SORBS2: variants seen among roughly 807,000 people sequenced by gnomAD.
SORBS2 encodes sorbin and SH3 domain-containing protein 2.
SORBS2 carries 46 observed loss-of-function variants against 97.7 expected under a neutral mutation model. The observed-to-expected ratio is 0.47, with a 90% CI of 0.37 to 0.60. The LOEUF is 0.60. Ranked by LOEUF, SORBS2 falls within the 20% of genes least tolerant of loss-of-function variation. SORBS2 has a pLI of 0.00. For missense variants in SORBS2, 1,316 were observed against 1,282.3 expected (o/e 1.03, Z -0.40); for synonymous variants, 476 against 473.4 (o/e 1.01, Z -0.07).
chr4:185,868,267 C>T (rs2099228366), intron 1 of SORBS2, among the ~76,000 whole-genome samples: 1 of 149,916 alleles, frequency 6.7e-6, no homozygotes, highest in Admixed American at 6.7e-5. Context: ...AGCGATTCTC[C>T]TGCCTCAGCT....
chr4:185,860,620 T>C (rs1003597305), intron 1 of SORBS2, among the ~76,000 whole-genome samples: 20 of 152,184 alleles, frequency 1.3e-4, no homozygotes, highest in Admixed American at 9.8e-4. Context: ...TGAGGACATG[T>C]ACCCAAGGTG....
rs2153458127 is a variant in SORBS2, at chr4:185,649,457, A to G, written c.281+10T>C. 6.4e-7 allele frequency: 1 copy of G among 1,558,346 alleles called. No individual in the cohort carries two copies. The highest frequency in any genetic ancestry group is 2.4e-5 in the East Asian group (1 of 41,832). On this transcript the variant is annotated intron_variant, in intron 3 of 14. Transcript: ENST00000418609. Reference sequence around the variant, plus strand: ...CGAAACATAGGCCACCCTGGGGGGAAATGCCTTACTTTTCTGTTGAAGACC... The same window carrying G: ...CGAAACATAGGCCACCCTGGGGGGAGATGCCTTACTTTTCTGTTGAAGACC...
chr4:185,813,802 C>T (rs1017257756), intron 1 of SORBS2, among the ~76,000 whole-genome samples: 20 of 152,302 alleles, frequency 1.3e-4, no homozygotes, highest in Admixed American at 2.6e-4. Flanking sequence ...ACCTCTTCTG[C>T]GACTCCCCTG....
intron 1 of SORBS2, among the ~76,000 whole-genome samples, chr4:185,837,009 C>T (rs562477747): frequency 2.0e-5 from 3 of 152,240 alleles, no homozygotes; most frequent in African/African-American, 7.2e-5. Flanking sequence ...TACTTACTGC[C>T]CTTCACTTAT....
At chr4:185,624,269 C>T in exon 7 of SORBS2, 1 of 1,614,226 alleles carries the variant, frequency 6.2e-7, no homozygotes, top group Non-Finnish European at 8.5e-7. Flanking sequence ...ATCGTCACAG[C>T]TCCGGGATTT....
chr4:185,900,450 A>C (rs1001141240), intron 1 of SORBS2, among the ~76,000 whole-genome samples: 4 of 152,216 alleles, frequency 2.6e-5, no homozygotes, highest in Admixed American at 1.3e-4. Context: ...TCTGTAAGTC[A>C]TACCTAAAAA....
intron 2 of SORBS2, among the ~76,000 whole-genome samples, chr4:185,757,937 G>T (rs765933291): frequency 6.6e-6 from 1 of 152,166 alleles, no homozygotes; most frequent in Non-Finnish European, 1.5e-5. Flanking sequence ...ATACAATCTG[G>T]TGAGCCACTG....
At chr4:185,717,703 T>A (rs1401819396) in intron 2 of SORBS2, among the ~76,000 whole-genome samples, 1 of 152,172 alleles carries the variant, frequency 6.6e-6, no homozygotes, top group Non-Finnish European at 1.5e-5. Context: ...GCCCAAGACA[T>A]TTCACTCTGC....
chr4:185,840,738 A>G (rs559504889), intron 1 of SORBS2, among the ~76,000 whole-genome samples: 2 of 152,352 alleles, frequency 1.3e-5, no homozygotes, highest in African/African-American at 4.8e-5. Context: ...GTATTTATTC[A>G]TTCATTCAAC....
In SORBS2 at chr4:185,709,553, T is replaced by C. The variant is rs537510464; in HGVS notation, c.-197-30731A>G. Among the ~76,000 whole-genome samples, 9 of 152,262 alleles carry C rather than the reference T, an allele frequency of 5.9e-5. No homozygotes were observed. The South Asian group carries it at 1.9e-3, about 32-fold the overall frequency. On this transcript the variant is annotated intron_variant, in intron 2 of 20. Transcript: ENST00000284776. Reference sequence around the variant, plus strand: ...AAAGACATATAAATTATAGCATACATGTCTACCCCTACATTTAAAACAATA... The same window carrying C: ...AAAGACATATAAATTATAGCATACACGTCTACCCCTACATTTAAAACAATA...
Position 185,718,171 on chromosome 4 carries a change from T to C in SORBS2, c.-197-39349A>G, listed in dbSNP as rs149795119. Among the ~76,000 whole-genome samples, 608 of 151,740 alleles carry C rather than the reference T, an allele frequency of 4.0e-3. 6 individuals are homozygous for C. The highest frequency in any genetic ancestry group is 0.013 in the African/African-American group (547 of 41,326). ...GCTTGAGCCTGGGAGACAGGCGCTG[T>C]AGGAAGCCAAGATCGCGCCATTGCA... On this transcript the variant is annotated intron_variant, in intron 2 of 20. Coordinates refer to the SORBS2 transcript ENST00000284776.
intron 5 of SORBS2, among the ~76,000 whole-genome samples, chr4:185,628,078 T>TCAC (rs1027850160): frequency 2.0e-5 from 3 of 152,244 alleles, no homozygotes; most frequent in African/African-American, 7.2e-5. Context: ...ATGTATCCAT[T>TCAC]CACCTATTGA....
intron 1 of SORBS2, among the ~76,000 whole-genome samples, chr4:185,785,219 TAAA>T (rs5864962): frequency 6.7e-6 from 1 of 149,162 alleles, no homozygotes; most frequent in Non-Finnish European, 1.5e-5. Context: ...TTTGAGCGTT[TAAA>T]AAAAAAAACA....
Position 185,607,417 on chromosome 4 carries a change from A to C in SORBS2, c.2796+4363T>G. On this transcript the variant is annotated intron_variant, in intron 12 of 14. Transcript: ENST00000418609. This position sits in a 1 kb window ranked among gnomAD's most constrained non-coding sequence, Gnocchi z 5.2. Reference sequence around the variant, plus strand: ...TAAGAAAATAATAATAATGCATCAAAACATAGCGATGGAGAAATGCAGAAA... The same window carrying C: ...TAAGAAAATAATAATAATGCATCAACACATAGCGATGGAGAAATGCAGAAA... 2 of 829,580 alleles carry C rather than the reference A, an allele frequency of 2.4e-6. No individual in the cohort carries two copies. The highest frequency in any genetic ancestry group is 3.5e-6 in the Non-Finnish European group (2 of 577,546). 51.4% of individuals were successfully genotyped at this position (829,580 alleles called of 1,614,324 possible). A position where few individuals can be genotyped will look rare whatever the true frequency, so the allele number is the denominator to read the frequency against.
At chr4:185,922,613 T>C (rs945231920) in intron 1 of SORBS2, among the ~76,000 whole-genome samples, 1 of 152,244 alleles carries the variant, frequency 6.6e-6, no homozygotes, top group Non-Finnish European at 1.5e-5. Flanking sequence ...TTATCATTTG[T>C]AATTAATGAC....
At chr4:185,888,265 T>C (rs1448695190) in intron 1 of SORBS2, among the ~76,000 whole-genome samples, 1 of 152,170 alleles carries the variant, frequency 6.6e-6, no homozygotes, top group Non-Finnish European at 1.5e-5. Context: ...AATGTGATTA[T>C]CCTGGATTAT....
chr4:185,838,339 C>T (rs561739621), intron 1 of SORBS2, among the ~76,000 whole-genome samples: 2 of 152,234 alleles, frequency 1.3e-5, no homozygotes, highest in African/African-American at 2.4e-5. Context: ...GCCTCTAGCT[C>T]CCCTGGGGGC....
intron 1 of SORBS2, among the ~76,000 whole-genome samples, chr4:185,914,362 T>C (rs1012691292): frequency 6.6e-6 from 1 of 152,230 alleles, no homozygotes; most frequent in Admixed American, 6.5e-5. Context: ...TACAGTAGCA[T>C]TTCCTCATTC....
chr4:185,777,868 G>A (rs1464253650), intron 1 of SORBS2, among the ~76,000 whole-genome samples: 1 of 151,924 alleles, frequency 6.6e-6, no homozygotes, highest in African/African-American at 2.4e-5. Context: ...CATTAAATCC[G>A]TGACTTTACC....
Sources: gnomAD v4.1 joint callset for allele counts (sites outside exome capture counted in the v4.1 genomes callset) on GRCh38, gnomAD v4.1.1 for gene constraint, Gnocchi (gnomAD v3.1) non-coding constraint, MANE v1.5 for transcripts, NCBI Gene and HGNC (gene_info 2026-07-23, HGNC 2026-07-21) for gene names.